Variants in UNC13C observed in about 807,000 individuals in gnomAD.
The protein encoded by UNC13C is protein unc-13 homolog C.
In UNC13C, 174 loss-of-function variants were observed where a neutral mutation model predicts 245.4. The ratio of observed to expected loss-of-function variants is 0.71; its 90% CI spans 0.63 to 0.80. The LOEUF is 0.80. Ranked by LOEUF, UNC13C falls within the 30% of genes least tolerant of loss-of-function variation. The pLI, the probability that UNC13C is intolerant of heterozygous loss-of-function variation, is 0.00. For synonymous variants in UNC13C, 992 were observed against 895.1 expected, an observed-to-expected ratio of 1.11 and a Z score of -1.93; for missense variants, 2,829 against 2,602.9, an observed-to-expected ratio of 1.09 and a Z score of -1.89.
At chr15:54,283,381 T>A (rs928116753) in intron 10 of UNC13C, among the ~76,000 whole-genome samples, 5 of 152,154 alleles carry the variant, frequency 3.3e-5, no homozygotes, top group Admixed American at 6.5e-5. Flanking sequence ...AGAATCATTA[T>A]AATCCCTACA....
chr15:54,024,293 G>C (rs1896015203), intron 2 of UNC13C, among the ~76,000 whole-genome samples: 1 of 152,156 alleles, frequency 6.6e-6, no homozygotes, highest in Non-Finnish European at 1.5e-5. Flanking sequence ...GAACTATTAA[G>C]AGAAATACAA....
At chr15:54,556,183 G>A (rs975344441) in intron 29 of UNC13C, among the ~76,000 whole-genome samples, 22 of 152,058 alleles carry the variant, frequency 1.4e-4, no homozygotes, top group African/African-American at 5.3e-4. Context: ...TGAAAGATGA[G>A]TTTGTCTTCT....
chr15:54,371,998 G>A (rs1004423964), intron 17 of UNC13C, among the ~76,000 whole-genome samples: 4 of 152,138 alleles, frequency 2.6e-5, no homozygotes, highest in African/African-American at 9.7e-5. Context: ...GTTTTAGTTA[G>A]AAGGATAAAG....
At chr15:54,445,562 T>C (rs563693647) in intron 19 of UNC13C, among the ~76,000 whole-genome samples, 10 of 152,350 alleles carry the variant, frequency 6.6e-5, no homozygotes, top group Non-Finnish European at 1.0e-4. Context: ...ATGAGCAATT[T>C]TTCATGTGTC....
chr15:54,205,408 G>A (rs1313891185), intron 4 of UNC13C, among the ~76,000 whole-genome samples: 1 of 151,986 alleles, frequency 6.6e-6, no homozygotes, highest in African/African-American at 2.4e-5. Context: ...AGCTCATTAA[G>A]CAATTCTTCA....
At chr15:54,261,104 T>C (rs2036412691) in intron 8 of UNC13C, among the ~76,000 whole-genome samples, 1 of 152,222 alleles carries the variant, frequency 6.6e-6, no homozygotes, top group Non-Finnish European at 1.5e-5. Flanking sequence ...TTCATTTGGA[T>C]ATTATACTCT....
At chr15:54,417,437 T>TA (rs1425443340) in intron 19 of UNC13C, among the ~76,000 whole-genome samples, 1 of 152,184 alleles carries the variant, frequency 6.6e-6, no homozygotes, top group African/African-American at 2.4e-5. Flanking sequence ...TTTTGTATCA[T>TA]AATGTATAAG....
At chr15:54,505,367 T>C (rs1042043302) in intron 22 of UNC13C, among the ~76,000 whole-genome samples, 1 of 152,154 alleles carries the variant, frequency 6.6e-6, no homozygotes, top group Non-Finnish European at 1.5e-5. Context: ...TTTGTATGCA[T>C]TGGAATTACC....
intron 2 of UNC13C, among the ~76,000 whole-genome samples, chr15:54,046,214 A>G (rs1252842696): frequency 2.0e-5 from 3 of 152,312 alleles, no homozygotes; most frequent in East Asian, 1.9e-4. Flanking sequence ...CACAACAATG[A>G]ATAGCACTGT....
chr15:53,967,160 G>A, the UNC13C span, among the ~76,000 whole-genome samples: 1 of 151,668 alleles, frequency 6.6e-6, no homozygotes, highest in Non-Finnish European at 1.5e-5. Context: ...ATTAGGTTAC[G>A]GTTTATGTTT....
At chr15:54,307,526 T>C (rs1208664092) in intron 13 of UNC13C, among the ~76,000 whole-genome samples, 1 of 151,974 alleles carries the variant, frequency 6.6e-6, no homozygotes, top group African/African-American at 2.4e-5. Flanking sequence ...CAGTAAAAGA[T>C]AGCTCTTGTC....
intron 20 of UNC13C, among the ~76,000 whole-genome samples, chr15:54,497,208 A>T (rs545594207): frequency 6.6e-6 from 1 of 152,264 alleles, no homozygotes; most frequent in East Asian, 1.9e-4. Context: ...CAGCATCAGA[A>T]AGACAACAAA....
intron 19 of UNC13C, among the ~76,000 whole-genome samples, chr15:54,490,392 T>C (rs928130456): frequency 6.6e-6 from 1 of 152,196 alleles, no homozygotes; most frequent in East Asian, 1.9e-4. Context: ...GAAGTGTTTC[T>C]TTTGTGGGAA....
intron 27 of UNC13C, 101 bp downstream of exon 27, chr15:54,546,946 GA>G (rs1896512284): frequency 6.3e-6 from 7 of 1,110,674 alleles, no homozygotes; most frequent in East Asian, 6.2e-5. Flanking sequence ...TCCCTTTGGG[GA>G]AAAAGTGTTT....
chr15:54,622,169 A>G (rs1333815613), intron 30 of UNC13C, among the ~76,000 whole-genome samples, 158 bp from the exon 31 acceptor site: 2 of 152,214 alleles, frequency 1.3e-5, no homozygotes, highest in Non-Finnish European at 2.9e-5. Context: ...CTTGCATTTC[A>G]TACTTAAGTG....
chr15:54,086,733 C>CTTTTTTTTTTTT (rs1899259826), intron 2 of UNC13C, among the ~76,000 whole-genome samples: 1 of 56,676 alleles, frequency 1.8e-5, no homozygotes, highest in African/African-American at 4.5e-5. Context: ...TGCTTATTTT[C>CTTTTTTTTTTTT]TTTCTTTTTT....
At chr15:54,436,539 C>T (rs1035328181) in intron 19 of UNC13C, among the ~76,000 whole-genome samples, 2 of 151,944 alleles carry the variant, frequency 1.3e-5, no homozygotes, top group Non-Finnish European at 2.9e-5. Context: ...TGGAAACCAT[C>T]ATTCTCAGCA....
intron 2 of UNC13C, among the ~76,000 whole-genome samples, chr15:54,116,562 C>G (rs972412903): frequency 6.6e-6 from 1 of 152,114 alleles, no homozygotes; most frequent in Non-Finnish European, 1.5e-5. Context: ...TTTCAGTAAT[C>G]ATAATAACTT....
chr15:54,014,498 C>T lies in UNC13C; in HGVS notation c.1595C>T (p.Thr532Ile). 6.2e-7 allele frequency: 1 copy of T among 1,613,826 alleles called. No individual in the cohort carries two copies. The highest frequency in any genetic ancestry group is 8.5e-7 in the Non-Finnish European group (1 of 1,179,824). Residue 532 changes from threonine to isoleucine, a missense_variant, in exon 2 of 33, where the codon ACA (threonine) becomes ATA (isoleucine). Thr to Ile is a moderately conservative substitution (Grantham distance 89). Transcript: ENST00000260323. Reference sequence around the variant, plus strand: ...ACCACAACCCATTATGCAGATGCAACACCTCTCTGGCACTCACAGAGTGAT... The same window carrying T: ...ACCACAACCCATTATGCAGATGCAATACCTCTCTGGCACTCACAGAGTGAT... ...KQTTTHYADA[T>I]PLWHSQSDFF... is the part of the protein sequence containing the mutation.
Sources: allele counts gnomAD v4.1 joint callset (sites outside exome capture counted in the v4.1 genomes callset), GRCh38; gene constraint gnomAD v4.1.1; transcripts MANE v1.5; gene names NCBI Gene and HGNC (gene_info 2026-07-23, HGNC 2026-07-21).